CDH20: variants seen among roughly 807,000 people sequenced by gnomAD.
CDH20 encodes the protein cadherin 20, also known as cadherin-20.
Under a neutral mutation model 74.2 loss-of-function variants are expected in CDH20, and 29 were observed. The ratio of observed to expected loss-of-function variants is 0.39; its 90% CI spans 0.29 to 0.53. The LOEUF (loss-of-function observed/expected upper bound fraction) is 0.53, where lower values mean the gene tolerates loss of function less well. Among genes scored for constraint, CDH20 ranks in the 20% least tolerant of loss-of-function variants. The probability of loss-of-function intolerance (pLI) is 0.69; values close to 1 mark genes in which losing one functional copy is unlikely to be tolerated. For missense variants in CDH20, 988 were observed against 1,048.3 expected (o/e 0.94, Z 0.79); for synonymous variants, 469 against 405.4 (o/e 1.16, Z -1.88).
chr18:61,395,673 T>C (rs746614271), intron 1 of CDH20, among the ~76,000 whole-genome samples: 1 of 152,234 alleles, frequency 6.6e-6, no homozygotes, highest in South Asian at 2.1e-4. Flanking sequence ...ATGTGCTTTG[T>C]ATTTTTTTGA....
chr18:61,535,537 G>T (rs551379576), intron 7 of CDH20, among the ~76,000 whole-genome samples: 1 of 152,074 alleles, frequency 6.6e-6, no homozygotes, highest in Admixed American at 6.5e-5. Flanking sequence ...CAACAGAATT[G>T]GATTGCCAAA....
At chr18:61,526,311 T>C (rs1912411975) in intron 6 of CDH20, among the ~76,000 whole-genome samples, 2 of 151,288 alleles carry the variant, frequency 1.3e-5, no homozygotes, top group African/African-American at 4.8e-5. Flanking sequence ...GTATTTTTAG[T>C]AGAGACGATT....
In CDH20 at chr18:61,353,568, T is replaced by C. The variant is rs922759047; in HGVS notation, c.-153+19741T>C. Among the ~76,000 whole-genome samples, 2 of 152,236 alleles carry C rather than the reference T, an allele frequency of 1.3e-5. No individual in the cohort carries two copies. Among genetic ancestry groups the C allele is most frequent in the Admixed American group, 1.3e-4 (2 of 15,288 alleles). ...GCTTTTGAATATCCGACAGTGTGTA[T>C]CACAGTGCTTTGCACATATTTTAGT... is the stretch of plus-strand genomic sequence containing the variant. On this transcript the variant is annotated intron_variant, in intron 1 of 11. Transcript: ENST00000262717. This position sits in a 1 kb window ranked among gnomAD's most constrained non-coding sequence, Gnocchi z 4.6.
At chr18:61,543,288 T>C (rs1053405845) in intron 9 of CDH20, among the ~76,000 whole-genome samples, 1 of 152,172 alleles carries the variant, frequency 6.6e-6, no homozygotes, top group African/African-American at 2.4e-5. Flanking sequence ...TGACCTTTGA[T>C]GTCCTGGTTC....
chr18:61,379,413 G>A (rs1212993067), intron 1 of CDH20, among the ~76,000 whole-genome samples: 1 of 152,116 alleles, frequency 6.6e-6, no homozygotes, highest in Non-Finnish European at 1.5e-5. Flanking sequence ...TAATAGAAAA[G>A]TCCCTTCCCA....
rs755778264 is a variant in CDH20 at position 61,499,260 on chromosome 18, T to C, written c.321T>C (p.Phe107=). ...CGGGAGAAGGTGCTGGCATCGTGTT[T>C]ACCATCGACGACACCACTGGAGACA... is the stretch of plus-strand genomic sequence containing the variant. ...ILSGEGAGIV[F]TIDDTTGDIH... The change falls in exon 3 of 12, where the codon TTT becomes TTC. Residue 107 remains phenylalanine (F), a synonymous_variant. Coordinates refer to ENST00000262717, the MANE Select transcript of CDH20 (RefSeq NM_031891.4). 4 of 1,613,808 alleles carry C rather than the reference T, an allele frequency of 2.5e-6. No individual in the cohort carries two copies. In the Admixed American group the frequency reaches 6.7e-5, roughly 27 times the overall value.
At chr18:61,546,871 G>A (rs899765486) in intron 10 of CDH20, among the ~76,000 whole-genome samples, 11 of 152,136 alleles carry the variant, frequency 7.2e-5, no homozygotes, top group South Asian at 2.1e-4. Flanking sequence ...TTTATCTCAC[G>A]AGTATCCTTT....
chr18:61,502,632 T>C (rs1911422963), intron 4 of CDH20, among the ~76,000 whole-genome samples: 1 of 152,172 alleles, frequency 6.6e-6, no homozygotes, highest in Non-Finnish European at 1.5e-5. Context: ...GAGACAGCAC[T>C]GTCTGAAATC....
chr18:61,389,942 A>G (rs1196759823), intron 1 of CDH20, among the ~76,000 whole-genome samples: 2 of 152,162 alleles, frequency 1.3e-5, no homozygotes, highest in East Asian at 3.8e-4. Context: ...CAGCACATAA[A>G]TATGCTCCAG....
chr18:61,467,758 G>T (rs1321195976), intron 1 of CDH20, among the ~76,000 whole-genome samples: 2 of 152,126 alleles, frequency 1.3e-5, no homozygotes, highest in Non-Finnish European at 2.9e-5. Context: ...GCAATTCTAT[G>T]CATTGGAAAC....
At chr18:61,369,184 A>C (rs1173887325) in intron 1 of CDH20, among the ~76,000 whole-genome samples, 1 of 152,100 alleles carries the variant, frequency 6.6e-6, no homozygotes, top group Non-Finnish European at 1.5e-5. Flanking sequence ...TAGAGAAGGA[A>C]GACTTACAAA....
intron 2 of CDH20, among the ~76,000 whole-genome samples, chr18:61,493,570 A>G (rs903283246): frequency 6.6e-6 from 1 of 152,108 alleles, no homozygotes; most frequent in African/African-American, 2.4e-5. Context: ...TCTGCCACAC[A>G]TACCACGTTT....
intron 1 of CDH20, among the ~76,000 whole-genome samples, chr18:61,461,739 G>A (rs1234791541): frequency 6.6e-6 from 1 of 152,104 alleles, no homozygotes; most frequent in Non-Finnish European, 1.5e-5. Context: ...CAAGTAGAGG[G>A]GCTCAAGAGC....
intron 4 of CDH20, among the ~76,000 whole-genome samples, chr18:61,502,242 T>C (rs1911408863): frequency 6.6e-6 from 1 of 152,124 alleles, no homozygotes; most frequent in African/African-American, 2.4e-5. Context: ...ACGGATTTGG[T>C]GTAGGCCTCT....
intron 1 of CDH20, among the ~76,000 whole-genome samples, chr18:61,415,088 C>A (rs1912640425): frequency 6.6e-6 from 1 of 152,004 alleles, no homozygotes; most frequent in African/African-American, 2.4e-5. Context: ...TGTGTTTCCC[C>A]AACTATATAT....
chr18:61,506,944 G>GA (rs954240027), intron 5 of CDH20, among the ~76,000 whole-genome samples: 3 of 152,018 alleles, frequency 2.0e-5, no homozygotes, highest in East Asian at 1.9e-4. Flanking sequence ...GCCAGGCCAT[G>GA]AAAAAAAAGA....
At chr18:61,485,722 C>A (rs955174932) in intron 1 of CDH20, among the ~76,000 whole-genome samples, 1 of 152,106 alleles carries the variant, frequency 6.6e-6, no homozygotes, top group African/African-American at 2.4e-5. Flanking sequence ...CAGAATACAG[C>A]TCAATGTCAT....
At chr18:61,375,678 T>C (rs979212499) in intron 1 of CDH20, among the ~76,000 whole-genome samples, 12 of 152,118 alleles carry the variant, frequency 7.9e-5, no homozygotes, top group Non-Finnish European at 1.8e-4. Context: ...AACTCAAGTG[T>C]CACCCATTAC....
At chr18:61,357,735 T>A (rs1055308849) in intron 1 of CDH20, among the ~76,000 whole-genome samples, 6 of 151,978 alleles carry the variant, frequency 3.9e-5, no homozygotes, top group African/African-American at 1.5e-4. Context: ...CAAAATCAAC[T>A]GTTTGTTTTT....
Sources: gnomAD v4.1 joint callset for allele counts (sites outside exome capture counted in the v4.1 genomes callset) on GRCh38, gnomAD v4.1.1 for gene constraint, Gnocchi (gnomAD v3.1) non-coding constraint, MANE v1.5 for transcripts, NCBI Gene and HGNC (gene_info 2026-07-23, HGNC 2026-07-21) for gene names.